Variants in P2RX2 observed in about 807,000 individuals in gnomAD.
P2RX2 encodes the protein P2X purinoceptor 2.
A neutral mutation model predicts 54.8 loss-of-function variants in P2RX2; 50 were observed. That is an observed-to-expected ratio of 0.91 (90% confidence interval 0.73 to 1.15). The LOEUF (loss-of-function observed/expected upper bound fraction) is 1.15, where lower values mean the gene tolerates loss of function less well. Among genes scored for constraint, P2RX2 ranks in the 50% most tolerant of loss-of-function variants. The pLI, the probability that P2RX2 is intolerant of heterozygous loss-of-function variation, is 0.00. For synonymous variants in P2RX2, 289 were observed against 259.4 expected (o/e 1.11, Z -1.09); for missense variants, 658 against 633.2 (o/e 1.04, Z -0.42).
Position 132,618,866 on chromosome 12 carries a change from T to G in P2RX2, c.50T>G (p.Leu17Arg). The part of the protein sequence containing the change: ...KYPAGATARR[L>R]ARGCWSALWD... ...CCCGCCGGGGCGACCGCCCGGCGCCTGGCCCGGGGCTGCTGGTCCGCCCTC... is the reference window on the plus strand; with the variant it reads ...CCCGCCGGGGCGACCGCCCGGCGCCGGGCCCGGGGCTGCTGGTCCGCCCTC... Residue 17 changes from leucine to arginine, a missense_variant, in exon 1 of 11, where the codon CTG becomes CGG. By Grantham distance (102) the Leu-to-Arg change is moderately radical. Transcript: ENST00000643471. The G allele has an allele frequency of 7.3e-7, 1 of 1,372,622 alleles. No homozygotes were observed. Among genetic ancestry groups the G allele is most frequent in the Non-Finnish European group, 9.5e-7 (1 of 1,055,992 alleles). The allele number at this position is 1,372,622 out of a possible 1,614,324, so 85.0% of individuals were successfully genotyped here. A position where few individuals can be genotyped will look rare whatever the true frequency, so the allele number is the denominator to read the frequency against.
rs116655914 is a variant in P2RX2, at chr12:132,621,326, A to G, written c.977A>G (p.Asp326Gly). The change falls in exon 9 of 11, where the codon GAC becomes GGC. Residue 326 changes from aspartate (D) to glycine (G), a missense_variant. Coordinates refer to ENST00000643471, the MANE Select transcript of P2RX2 (RefSeq NM_170682.4). ...TLIKAYGIRI[D>G]VIVHGQAGKF... is the part of the protein sequence containing the mutation. The stretch of plus-strand genomic sequence containing the variant: ...ATCAAGGCCTACGGGATCCGCATTG[A>G]CGTCATTGTGCATGGACAGGTGCCT... 1 of 1,613,934 alleles carries G rather than the reference A, an allele frequency of 6.2e-7. No individual in the cohort carries two copies. Among genetic ancestry groups the G allele is most frequent in the Non-Finnish European group, 8.5e-7 (1 of 1,179,978 alleles).
In P2RX2 at chr12:132,618,863, G is replaced by C. The variant is rs762889627; in HGVS notation, c.47G>C (p.Arg16Pro). Residue 16 changes from arginine (R) to proline (P), a missense_variant, in exon 1 of 11, where the codon CGC (arginine) becomes CCC (proline). Physicochemically the swap from Arg to Pro is moderately radical, Grantham distance 103. Transcript: ENST00000643471. ...TACCCCGCCGGGGCGACCGCCCGGC[G>C]CCTGGCCCGGGGCTGCTGGTCCGCC... ...PKYPAGATAR[R>P]LARGCWSALW... The C allele has an allele frequency of 2.9e-6, 4 of 1,371,654 alleles. No homozygotes were observed. Among genetic ancestry groups the C allele is most frequent in the Middle Eastern group, 2.0e-4 (1 of 4,880 alleles). 85.0% of individuals were successfully genotyped at this position (1,371,654 alleles called of 1,614,324 possible).
chr12:132,620,896 CTCGTGTGCCCTTGTG>C lies in P2RX2; in HGVS notation c.775-104_775-90del. On this transcript the variant is annotated intron_variant, in intron 7 of 10. Coordinates refer to ENST00000643471, the MANE Select transcript of P2RX2 (RefSeq NM_170682.4). The stretch of plus-strand genomic sequence containing the variant: ...ACTGACCCGGGCTCTCGAGGGGCCT[CTCGTGTGCCCTTGTG>C]ACCCCCTTCCCTGGCCTGGGACTGA... The C allele has an allele frequency of 1.1e-5, 3 of 276,524 alleles. 1 individual carries two copies. The highest frequency in any genetic ancestry group is 7.4e-5 in the South Asian group (1 of 13,522). 17.1% of individuals were successfully genotyped at this position (276,524 alleles called of 1,614,324 possible).
At position 132,619,427 on chromosome 12, in the gene P2RX2, C is replaced by T; in HGVS notation, c.174-12C>T. ...GGGTCGCCTCCGGAGCCGGCGCCGC[C>T]CCTGCCCGCAGGTACGTATTCATCG... On this transcript the variant is annotated splice_polypyrimidine_tract_variant and intron_variant, in intron 1 of 10. Coordinates refer to ENST00000643471, the MANE Select transcript of P2RX2 (RefSeq NM_170682.4). 6.2e-7 allele frequency: 1 copy of T among 1,611,522 alleles called. No individual in the cohort carries two copies. The highest frequency in any genetic ancestry group is 8.5e-7 in the Non-Finnish European group (1 of 1,179,114).
chr12:132,620,544 G>A lies in P2RX2; in HGVS notation c.735G>A (p.Val245=). The A allele has an allele frequency of 1.9e-6, 3 of 1,613,830 alleles. No individual in the cohort carries two copies. The African/African-American group carries it at 4.0e-5, about 22-fold the overall frequency. ...CCATCTTCAAGCTGGGCTTTATCGT[G>A]GAGAAGGCTGGGGAGAGCTTCACAG... ...YCPIFKLGFI[V]EKAGESFTEL... Residue 245 remains valine (V), a synonymous_variant, in exon 7 of 11, where the codon GTG becomes GTA. Transcript: ENST00000643471.
chr12:132,619,559 C>T lies in P2RX2; in HGVS notation c.294C>T (p.Tyr98=), dbSNP rs371733590. 3.1e-6 allele frequency: 5 copies of T among 1,611,460 alleles called. No homozygotes were observed. The highest frequency in any genetic ancestry group is 3.3e-4 in the Middle Eastern group (2 of 6,048). ...SEHKVWDVEE[Y]VKPPEGGSVF... The stretch of plus-strand genomic sequence containing the variant: ...ACAAAGTGTGGGACGTGGAGGAGTA[C>T]GTGAAGCCCCCCGAGGTGCGGGCCG... Residue 98 remains tyrosine (Y), a synonymous_variant, in exon 2 of 11, where the codon TAC becomes TAT. Coordinates refer to ENST00000643471, the MANE Select transcript of P2RX2 (RefSeq NM_170682.4).
chr12:132,620,868 GGGAC>G, intron 7 of P2RX2, 129 bp from the exon 8 acceptor site: 53 of 995,770 alleles, frequency 5.3e-5, no homozygotes, highest in East Asian at 1.7e-4. Context: ...CATGCAGCCT[GGGAC>G]TGACCCGGGC....
Position 132,622,091 on chromosome 12 carries a change from A to G in P2RX2, c.*119A>G, listed in dbSNP as rs1378853496. ...GCGGAGCATCTCCACGAAACGGGGC[A>G]CCACAGGATCCCTGTGCAAGGGCTG... On this transcript the variant is annotated 3_prime_UTR_variant, in exon 11 of 11. Coordinates refer to ENST00000643471, the MANE Select transcript of P2RX2 (RefSeq NM_170682.4). 1.3e-6 allele frequency: 2 copies of G among 1,540,158 alleles called. No individual in the cohort carries two copies. Among genetic ancestry groups the G allele is most frequent in the African/African-American group, 2.7e-5 (2 of 73,224 alleles).
chr12:132,621,656 T>C lies in P2RX2; in HGVS notation c.1100T>C (p.Met367Thr). ...TGCGACTGGATCTTGCTAACATTCA[T>C]GAACAAAAACAAGGTCTACAGCCAT... is the stretch of plus-strand genomic sequence containing the variant. ...FLCDWILLTF[M>T]NKNKVYSHKK... Residue 367 changes from methionine to threonine, a missense_variant, in exon 11 of 11, where the codon ATG (methionine) becomes ACG (threonine). Transcript: ENST00000643471. The C allele has an allele frequency of 1.2e-6, 2 of 1,613,734 alleles. No individual in the cohort carries two copies. Among genetic ancestry groups the C allele is most frequent in the Non-Finnish European group, 1.7e-6 (2 of 1,179,854 alleles).
At position 132,622,323 on chromosome 12, in the gene P2RX2, T is replaced by C. The variant is rs7973007; in HGVS notation, c.*351T>C. 0.62 allele frequency: 476,198 copies of C among 770,178 alleles called. 150,124 individuals carry two copies. Among genetic ancestry groups the C allele is most frequent in the African/African-American group, 0.85 (46,489 of 54,488 alleles). 47.7% of individuals were successfully genotyped at this position (770,178 alleles called of 1,614,324 possible). Reference sequence around the variant, plus strand: ...CCCCACCCCACAGGCGTTGTAACCTTGAATCTGCCCAGACTCTTCCCTTAG... The same window carrying C: ...CCCCACCCCACAGGCGTTGTAACCTCGAATCTGCCCAGACTCTTCCCTTAG... On this transcript the variant is annotated 3_prime_UTR_variant, in exon 11 of 11. Coordinates refer to ENST00000643471, the MANE Select transcript of P2RX2 (RefSeq NM_170682.4).
At position 132,619,707 on chromosome 12, in the gene P2RX2, G is replaced by A. The variant is rs768292150; in HGVS notation, c.338G>A (p.Arg113Lys). The A allele has an allele frequency of 1.2e-6, 2 of 1,604,198 alleles. No homozygotes were observed. The highest frequency in any genetic ancestry group is 1.7e-6 in the Non-Finnish European group (2 of 1,175,336). Residue 113 changes from arginine (R) to lysine (K), a missense_variant, in exon 3 of 11, where the codon AGG becomes AAG. Arg to Lys is a conservative substitution (Grantham distance 26, BLOSUM62 2). Transcript: ENST00000643471. ...GGCAGCGTGTTCAGCATCATCACCA[G>A]GGTCGAGGCCACCCACTCCCAGACC... ...EGGSVFSIIT[R>K]VEATHSQTQG...
chr12:132,622,138 C>T lies in P2RX2; in HGVS notation c.*166C>T. On this transcript the variant is annotated 3_prime_UTR_variant, in exon 11 of 11. Transcript: ENST00000643471. The stretch of plus-strand genomic sequence containing the variant: ...GCTGGGGGCACGCTCTGGCCCCAGG[C>T]TTGTGCCCCACCCTGGCATACAGCC... 3 of 1,456,636 alleles carry T rather than the reference C, an allele frequency of 2.1e-6. No homozygotes were observed. Among genetic ancestry groups the T allele is most frequent in the South Asian group, 1.4e-5 (1 of 70,174 alleles). 90.2% of individuals were successfully genotyped at this position (1,456,636 alleles called of 1,614,324 possible).
chr12:132,619,487 C>G lies in P2RX2; in HGVS notation c.222C>G (p.Pro74=). 1 of 1,612,764 alleles carries G rather than the reference C, an allele frequency of 6.2e-7. No homozygotes were observed. The highest frequency in any genetic ancestry group is 1.1e-5 in the South Asian group (1 of 91,074). The part of the protein sequence containing the change: ...QKSYQESETG[P]ESSIITKVKG... ...GCTACCAGGAGAGCGAGACGGGCCC[C>G]GAGAGCTCCATCATCACCAAGGTCA... The change falls in exon 2 of 11, where the codon CCC becomes CCG. Residue 74 remains proline (P), a synonymous_variant. Coordinates refer to ENST00000643471, the MANE Select transcript of P2RX2 (RefSeq NM_170682.4).
At chr12:132,621,572 G>A in intron 10 of P2RX2, 32 bp downstream of exon 10, 5 of 1,601,396 alleles carry the variant, frequency 3.1e-6, no homozygotes, top group Non-Finnish European at 4.3e-6. Context: ...CCCAGCGGGT[G>A]CGGGGGGTCC....
In P2RX2 at chr12:132,619,556, G is replaced by A. The variant is rs1299032410; in HGVS notation, c.291G>A (p.Glu97=). 7 of 1,611,720 alleles carry A rather than the reference G, an allele frequency of 4.3e-6. No homozygotes were observed. The East Asian group carries it at 1.6e-4, about 36-fold the overall frequency. ...AGCACAAAGTGTGGGACGTGGAGGA[G>A]TACGTGAAGCCCCCCGAGGTGCGGG... ...TSEHKVWDVE[E]YVKPPEGGSV... Residue 97 remains glutamate (E), a synonymous_variant, in exon 2 of 11, where the codon GAG becomes GAA. Transcript: ENST00000643471.
Position 132,618,850 on chromosome 12 carries a change from G to C in P2RX2, c.34G>C (p.Ala12Pro). The C allele has an allele frequency of 7.4e-7, 1 of 1,359,556 alleles. No individual in the cohort carries two copies. The highest frequency in any genetic ancestry group is 9.5e-7 in the Non-Finnish European group (1 of 1,049,644). 84.2% of individuals were successfully genotyped at this position (1,359,556 alleles called of 1,614,324 possible). Reference sequence around the variant, plus strand: ...CGCCCAGCCCAAGTACCCCGCCGGGGCGACCGCCCGGCGCCTGGCCCGGGG... The same window carrying C: ...CGCCCAGCCCAAGTACCCCGCCGGGCCGACCGCCCGGCGCCTGGCCCGGGG... The part of the protein sequence containing the change: ...AAAQPKYPAG[A>P]TARRLARGCW... The change falls in exon 1 of 11, where the codon GCG becomes CCG. Residue 12 changes from alanine (A) to proline (P), a missense_variant. Coordinates refer to ENST00000643471, the MANE Select transcript of P2RX2 (RefSeq NM_170682.4).
chr12:132,621,211 C>A (rs769788937), intron 8 of P2RX2, 44 bp from the exon 9 acceptor site: 29 of 1,613,864 alleles, frequency 1.8e-5, no homozygotes, highest in Non-Finnish European at 2.4e-5. Context: ...GTGGGGCAGC[C>A]CTGGAGTGCA....
rs1245816230 is a variant in P2RX2 at position 132,622,324 on chromosome 12, G to A, written c.*352G>A. On this transcript the variant is annotated 3_prime_UTR_variant, in exon 11 of 11. Coordinates refer to ENST00000643471, the MANE Select transcript of P2RX2 (RefSeq NM_170682.4). The stretch of plus-strand genomic sequence containing the variant: ...CCCACCCCACAGGCGTTGTAACCTT[G>A]AATCTGCCCAGACTCTTCCCTTAGA... The A allele has an allele frequency of 2.0e-5, 14 of 696,682 alleles. No individual in the cohort carries two copies. Among genetic ancestry groups the A allele is most frequent in the Admixed American group, 1.1e-4 (2 of 19,004 alleles). The allele number at this position is 696,682 out of a possible 1,614,324, so 43.2% of individuals were successfully genotyped here. A position where few individuals can be genotyped will look rare whatever the true frequency, so the allele number is the denominator to read the frequency against.
chr12:132,618,918 C>A lies in P2RX2; in HGVS notation c.102C>A (p.Ile34=), dbSNP rs372834738. 1.1e-5 allele frequency: 15 copies of A among 1,334,842 alleles called. No homozygotes were observed. The South Asian group carries it at 1.4e-4, about 12-fold the overall frequency. 82.7% of individuals were successfully genotyped at this position (1,334,842 alleles called of 1,614,324 possible). Residue 34 remains isoleucine (I), a synonymous_variant, in exon 1 of 11, where the codon ATC becomes ATA. Coordinates refer to ENST00000643471, the MANE Select transcript of P2RX2 (RefSeq NM_170682.4). ...ALWDYETPKV[I]VVRNRRLGVL... is the part of the protein sequence containing the mutation. ...GGGACTACGAGACGCCCAAGGTGATCGTGGTGAGGAACCGGCGCCTGGGGG... is the reference window on the plus strand; with the variant it reads ...GGGACTACGAGACGCCCAAGGTGATAGTGGTGAGGAACCGGCGCCTGGGGG...
Sources: allele counts gnomAD v4.1 joint callset, GRCh38; gene constraint gnomAD v4.1.1; transcripts MANE v1.5; gene names NCBI Gene and HGNC (gene_info 2026-07-23, HGNC 2026-07-21).